AQP4: variants seen among roughly 807,000 people sequenced by gnomAD.
The protein encoded by AQP4 is aquaporin 4, also known as aquaporin-4.
Under a neutral mutation model 27.8 loss-of-function variants are expected in AQP4, and 18 were observed. That is an observed-to-expected ratio of 0.65 (90% CI 0.45 to 0.96). The LOEUF (loss-of-function observed/expected upper bound fraction) is 0.96, where lower values mean the gene tolerates loss of function less well. Ranked by LOEUF, AQP4 falls within the 40% of genes least tolerant of loss-of-function variation. AQP4 has a pLI of 0.00. For missense variants in AQP4, 412 were observed against 408.2 expected (o/e 1.01, Z -0.08); for synonymous variants, 141 against 142.9 (o/e 0.99, Z 0.10).
rs2054779077 is a variant in AQP4, at chr18:26,853,077, T to G, written c.*3134A>C. ...GTATTCTGTGCTCTTTGGAATCAGA[T>G]CTCTGATAAATCATATAGCTCAATT... On this transcript the variant is annotated 3_prime_UTR_variant, in exon 5 of 5. Transcript: ENST00000383168. 1 of 394,964 alleles carries G rather than the reference T, an allele frequency of 2.5e-6. No homozygotes were observed. The highest frequency in any genetic ancestry group is 1.4e-4 in the South Asian group (1 of 7,002). The allele number at this position is 394,964 out of a possible 1,614,324, so 24.5% of individuals were successfully genotyped here.
chr18:26,859,488 T>G (rs955675600), intron 4 of AQP4, among the ~76,000 whole-genome samples: 2 of 152,182 alleles, frequency 1.3e-5, no homozygotes, highest in African/African-American at 4.8e-5. Context: ...GCCACTGCAC[T>G]CCAGCCTGGG....
chr18:26,860,220 C>T (rs1372747839), intron 4 of AQP4, among the ~76,000 whole-genome samples: 6 of 152,072 alleles, frequency 3.9e-5, no homozygotes, highest in South Asian at 2.1e-4. Context: ...TAACATAAAC[C>T]TTTGCACTAT....
rs372829102 is a variant in AQP4, at chr18:26,856,469, G to A, written c.714C>T (p.Ile238=). 1.7e-5 allele frequency: 28 copies of A among 1,614,216 alleles called. No homozygotes were observed. The highest frequency in any genetic ancestry group is 2.3e-5 in the Non-Finnish European group (27 of 1,180,030). Residue 238 remains isoleucine (I), a synonymous_variant, in exon 5 of 5, where the codon ATC becomes ATT. Transcript: ENST00000383168. The part of the protein sequence containing the change: ...ENHWIYWVGP[I]IGAVLAGGLY... Reference sequence around the variant, plus strand: ...GGCCACCAGCGAGGACAGCTCCTATGATGGGCCCAACCCAATATATCTAAG... The same window carrying A: ...GGCCACCAGCGAGGACAGCTCCTATAATGGGCCCAACCCAATATATCTAAG...
At chr18:26,865,038 CT>C (rs58002791) in intron 1 of AQP4, among the ~76,000 whole-genome samples, 24,178 of 146,166 alleles carry the variant, frequency 0.17, 2,166 homozygotes, top group Non-Finnish European at 0.22. Context: ...ATGTTTTTAG[CT>C]TTTTTTTTTT....
chr18:26,862,825 T>A (rs1176279480), intron 1 of AQP4: 1 of 607,262 alleles, frequency 1.6e-6, no homozygotes, highest in African/African-American at 1.9e-5. Flanking sequence ...TCACGGAAAA[T>A]TATCCAAACT....
In AQP4 at chr18:26,862,378, A is replaced by G. The variant is rs779786050; in HGVS notation, c.251T>C (p.Met84Thr). 1 of 1,614,226 alleles carries G rather than the reference A, an allele frequency of 6.2e-7. No homozygotes were observed. The highest frequency in any genetic ancestry group is 1.1e-5 in the South Asian group (1 of 91,088). Residue 84 changes from methionine (M) to threonine (T), a missense_variant, in exon 2 of 5, where the codon ATG (methionine) becomes ACG (threonine). By Grantham distance (81) the Met-to-Thr change is moderately conservative. Transcript: ENST00000383168. ...GCTGATATGGCCAAAGCACTGCACCATGGTTGCAATGCTGAGTCCAAAGCA... is the reference window on the plus strand; with the variant it reads ...GCTGATATGGCCAAAGCACTGCACCGTGGTTGCAATGCTGAGTCCAAAGCA... ...SLCFGLSIAT[M>T]VQCFGHISGG...
chr18:26,860,839 C>G lies in AQP4; in HGVS notation c.626G>C (p.Gly209Ala). The G allele has an allele frequency of 6.2e-7, 1 of 1,613,998 alleles. No homozygotes were observed. Among genetic ancestry groups the G allele is most frequent in the South Asian group, 1.1e-5 (1 of 91,082 alleles). Reference protein sequence around the residue: ...IGHLFAINYTGASMNPARSFG... With the variant: ...IGHLFAINYTAASMNPARSFG... ...GGATCGGGCGGGATTCATGCTGGCA[C>G]CAGTATAATTGATCTATAGGAAACA... The change falls in exon 4 of 5, where the codon GGT becomes GCT. Residue 209 changes from glycine to alanine, a missense_variant. Gly to Ala is a moderately conservative substitution (Grantham distance 60). Transcript: ENST00000383168.
At chr18:26,864,600 G>A (rs1337866657) in intron 1 of AQP4, among the ~76,000 whole-genome samples, 1 of 152,168 alleles carries the variant, frequency 6.6e-6, no homozygotes, top group Non-Finnish European at 1.5e-5. Flanking sequence ...CCCAAAGACG[G>A]TAAACTCAGA....
chr18:26,856,182 T>A lies in AQP4; in HGVS notation c.*29A>T. ...GAAATCTGAGGACAGTTCTAAGGAG[T>A]CTTGTCTGCTTTCAGTGCGATCTTC... On this transcript the variant is annotated 3_prime_UTR_variant, in exon 5 of 5. Coordinates refer to ENST00000383168, the MANE Select transcript of AQP4 (RefSeq NM_001650.7). 6.2e-7 allele frequency: 1 copy of A among 1,613,400 alleles called. No homozygotes were observed. The highest frequency in any genetic ancestry group is 8.5e-7 in the Non-Finnish European group (1 of 1,179,456).
intron 1 of AQP4, among the ~76,000 whole-genome samples, chr18:26,864,268 C>T (rs1250228983): frequency 6.6e-6 from 1 of 152,156 alleles, no homozygotes; most frequent in Non-Finnish European, 1.5e-5. Flanking sequence ...TGAGGAAATG[C>T]AGTGCCAAAA....
At chr18:26,858,866 A>G (rs1264737376) in intron 4 of AQP4, among the ~76,000 whole-genome samples, 1 of 152,242 alleles carries the variant, frequency 6.6e-6, no homozygotes, top group African/African-American at 2.4e-5. Context: ...AATGTGTAAA[A>G]GTATAAAGAA....
chr18:26,856,233 C>G lies in AQP4; in HGVS notation c.950G>C (p.Gly317Ala). The G allele has an allele frequency of 6.2e-7, 1 of 1,614,200 alleles. No individual in the cohort carries two copies. The highest frequency in any genetic ancestry group is 1.1e-5 in the South Asian group (1 of 91,070). Residue 317 changes from glycine (G) to alanine (A), a missense_variant, in exon 5 of 5, where the codon GGA becomes GCA. By Grantham distance (60) the Gly-to-Ala change is moderately conservative. Transcript: ENST00000383168. The part of the protein sequence containing the change: ...GEEKKGKDQS[G>A]EVLSSV Reference sequence around the variant, plus strand: ...TAGTCATACTGAAGACAATACCTCTCCAGATTGGTCTTTCCCCTTCTTCTC... The same window carrying G: ...TAGTCATACTGAAGACAATACCTCTGCAGATTGGTCTTTCCCCTTCTTCTC...
At chr18:26,856,971 C>T (rs1386214283) in intron 4 of AQP4, among the ~76,000 whole-genome samples, 3 of 152,172 alleles carry the variant, frequency 2.0e-5, no homozygotes, top group African/African-American at 7.2e-5. Flanking sequence ...AAAACCAACC[C>T]AGCTCCACCA....
chr18:26,854,776 T>C lies in AQP4; in HGVS notation c.*1435A>G, dbSNP rs2054812770. The C allele has an allele frequency of 6.6e-6, 1 of 152,384 alleles. No individual in the cohort carries two copies. Among genetic ancestry groups the C allele is most frequent in the African/African-American group, 2.4e-5 (1 of 41,454 alleles). The allele number at this position is 152,384 out of a possible 1,614,324, so 9.4% of individuals were successfully genotyped here. Reference sequence around the variant, plus strand: ...TTTACTTCTAATAGCTTTTGTTTAGTGAAATTGACATTTGCACTTCTTTGT... The same window carrying C: ...TTTACTTCTAATAGCTTTTGTTTAGCGAAATTGACATTTGCACTTCTTTGT... On this transcript the variant is annotated 3_prime_UTR_variant, in exon 5 of 5. Transcript: ENST00000383168.
chr18:26,860,738 G>A lies in AQP4; in HGVS notation c.693+34C>T, dbSNP rs766981570. The A allele has an allele frequency of 1.1e-5, 17 of 1,566,592 alleles. No homozygotes were observed. In the East Asian group the frequency reaches 3.6e-4, roughly 33 times the overall value. ...GCCCCACAGGTAATTGTCCTCAACT[G>A]TAGGAAGATGGGAACTATCAATATG... On this transcript the variant is annotated intron_variant, in intron 4 of 4. Transcript: ENST00000383168.
chr18:26,861,572 A>G (rs1436167162), intron 2 of AQP4, among the ~76,000 whole-genome samples: 19 of 152,360 alleles, frequency 1.2e-4, no homozygotes. Context: ...AAAATGTGCC[A>G]CTGCAGCACT....
chr18:26,858,489 CAT>C (rs752921054), intron 4 of AQP4, among the ~76,000 whole-genome samples: 1 of 152,182 alleles, frequency 6.6e-6, no homozygotes, highest in Non-Finnish European at 1.5e-5. Flanking sequence ...AGGCTGAAGA[CAT>C]AACATTTACG....
chr18:26,864,869 T>TC (rs2055028899), intron 1 of AQP4, among the ~76,000 whole-genome samples: 1 of 152,032 alleles, frequency 6.6e-6, no homozygotes, highest in Admixed American at 6.5e-5. Flanking sequence ...CCTTCACCTC[T>TC]CACTTCTGCC....
At position 26,853,634 on chromosome 18, in the gene AQP4, T is replaced by C. The variant is rs1418139629; in HGVS notation, c.*2577A>G. On this transcript the variant is annotated 3_prime_UTR_variant, in exon 5 of 5. Coordinates refer to ENST00000383168, the MANE Select transcript of AQP4 (RefSeq NM_001650.7). ...CAGTGGTCTCCTGGGAGCAGCACTA[T>C]GCACTTCATTAATAAGAAGGGATTA... The C allele has an allele frequency of 6.6e-6, 1 of 152,634 alleles. No homozygotes were observed. The highest frequency in any genetic ancestry group is 1.5e-5 in the Non-Finnish European group (1 of 68,046). 9.5% of individuals were successfully genotyped at this position (152,634 alleles called of 1,614,324 possible). A position where few individuals can be genotyped will look rare whatever the true frequency, so the allele number is the denominator to read the frequency against.
Sources: gnomAD v4.1 joint callset for allele counts (sites outside exome capture counted in the v4.1 genomes callset) on GRCh38, gnomAD v4.1.1 for gene constraint, MANE v1.5 for transcripts, NCBI Gene and HGNC (gene_info 2026-07-23, HGNC 2026-07-21) for gene names.